RTL1: variants seen among roughly 807,000 people sequenced by gnomAD.
RTL1 encodes retrotransposon Gag like 1.
For missense variants in RTL1, 1,681 were observed against 1,767.5 expected (o/e 0.95, Z 0.88); for synonymous variants, 727 against 748.4 (o/e 0.97, Z 0.47).
chr14:100,889,959 C>T (rs370329517), intron 3 of RTL1, among the ~76,000 whole-genome samples: 6 of 151,662 alleles, frequency 4.0e-5, no homozygotes, highest in African/African-American at 1.5e-4. Flanking sequence ...CTTCTCTGCG[C>T]TTTGCAGAAA....
chr14:100,897,276 C>T (rs2038871251), intron 2 of RTL1, among the ~76,000 whole-genome samples: 1 of 152,034 alleles, frequency 6.6e-6, no homozygotes, highest in Non-Finnish European at 1.5e-5. Flanking sequence ...GAAACAAAAA[C>T]AAAAACAACC....
chr14:100,882,992 TCCAGCC>T lies in RTL1; in HGVS notation c.1791_1796del (p.Ala598_Gly599del). The T allele has an allele frequency of 6.2e-7, 1 of 1,614,152 alleles. No individual in the cohort carries two copies. On this transcript the variant is annotated inframe_deletion, in exon 4 of 4. Coordinates refer to ENST00000649591, the MANE Select transcript of RTL1 (RefSeq NM_001134888.3). ...AAAAGGTCTCGCTGTGATCACTGTC[TCCAGCC>T]TGCTGAAGCTCAGAGGGCTCTGATT...
chr14:100,897,803 G>A (rs958185506), intron 2 of RTL1: 1 of 192,818 alleles, frequency 5.2e-6, no homozygotes, highest in Non-Finnish European at 1.1e-5. Flanking sequence ...AATTGGTGGC[G>A]GCAGGTGTAA....
chr14:100,902,571 C>T (rs2038957535), intron 2 of RTL1, among the ~76,000 whole-genome samples: 1 of 152,162 alleles, frequency 6.6e-6, no homozygotes, highest in Admixed American at 6.5e-5. Context: ...TCTGCAGGAG[C>T]TGCTGGCCTC....
At position 100,881,043 on chromosome 14, in the gene RTL1, T is replaced by C. The variant is rs2038601845; in HGVS notation, c.3746A>G (p.His1249Arg). The C allele has an allele frequency of 3.1e-6, 5 of 1,600,874 alleles. No individual in the cohort carries two copies. The highest frequency in any genetic ancestry group is 1.3e-5 in the African/African-American group (1 of 74,606). Residue 1249 changes from histidine to arginine, a missense_variant, in exon 4 of 4, where the codon CAT becomes CGT. His to Arg is a conservative substitution (Grantham distance 29). Coordinates refer to ENST00000649591, the MANE Select transcript of RTL1 (RefSeq NM_001134888.3). This position sits in a 1 kb window ranked among gnomAD's most constrained non-coding sequence, Gnocchi z 6.6. ...CTGCGAGGTGTCTTGCAGGCCGTCATGCAGGCCACACTGACGGTAACGTTG... is the reference window on the plus strand; with the variant it reads ...CTGCGAGGTGTCTTGCAGGCCGTCACGCAGGCCACACTGACGGTAACGTTG... The part of the protein sequence containing the change: ...DLQRYRQCGL[H>R]DGLQDTSQDK...
chr14:100,882,564 T>C lies in RTL1; in HGVS notation c.2225A>G (p.Gln742Arg). 6.4e-7 allele frequency: 1 copy of C among 1,551,816 alleles called. No homozygotes were observed. The highest frequency in any genetic ancestry group is 8.7e-7 in the Non-Finnish European group (1 of 1,147,014). ...GCGGACGTGGTGGAGGTGCTCCTCC[T>C]GACTCATTGAGTAGATCAGGACTTC... ...GQEVLIYSMS[Q>R]EEHLHHVRQV... is the part of the protein sequence containing the mutation. Residue 742 changes from glutamine (Q) to arginine (R), a missense_variant, in exon 4 of 4, where the codon CAG becomes CGG. By Grantham distance (43) the Gln-to-Arg change is conservative. Transcript: ENST00000649591.
intron 2 of RTL1, among the ~76,000 whole-genome samples, chr14:100,896,813 G>A (rs958298501): frequency 7.9e-5 from 12 of 152,194 alleles, no homozygotes; most frequent in Admixed American, 2.0e-4. Flanking sequence ...TGAGGCCCCA[G>A]CTCCTTACCA....
At position 100,884,652 on chromosome 14, in the gene RTL1, C is replaced by T; in HGVS notation, c.137G>A (p.Gly46Glu). ...TTCCTGGGCTGGGCCGCTGGCTGGC[C>T]CTGCCTCTCCCCGCACTCCACTGCC... ...TSGSGVRGEA[G>E]PASGPAQEKK... Residue 46 changes from glycine to glutamate, a missense_variant, in exon 4 of 4, where the codon GGG (glycine) becomes GAG (glutamate). By Grantham distance (98) the Gly-to-Glu change is moderately conservative. Transcript: ENST00000649591. The T allele has an allele frequency of 1.2e-6, 2 of 1,613,622 alleles. No individual in the cohort carries two copies. The highest frequency in any genetic ancestry group is 2.2e-5 in the East Asian group (1 of 44,868).
chr14:100,884,614 G>A lies in RTL1; in HGVS notation c.175C>T (p.Pro59Ser), dbSNP rs2038671108. 1 of 1,613,770 alleles carries A rather than the reference G, an allele frequency of 6.2e-7. No homozygotes were observed. The highest frequency in any genetic ancestry group is 1.1e-5 in the South Asian group (1 of 91,066). The change falls in exon 4 of 4, where the codon CCC becomes TCC. Residue 59 changes from proline (P) to serine (S), a missense_variant. Pro to Ser is a moderately conservative substitution (Grantham distance 74). Transcript: ENST00000649591. ...TCCATTTCCTGGAGTGGGCCACTGGGGGGCTCCTTCTTTTCCTGGGCTGGG... is the reference window on the plus strand; with the variant it reads ...TCCATTTCCTGGAGTGGGCCACTGGAGGGCTCCTTCTTTTCCTGGGCTGGG... ...SGPAQEKKEPPSGPLQEMEEL... is the reference protein window; with the variant it reads ...SGPAQEKKEPSSGPLQEMEEL...
intron 3 of RTL1, among the ~76,000 whole-genome samples, chr14:100,891,236 C>A (rs960867921): frequency 6.6e-6 from 1 of 152,108 alleles, no homozygotes; most frequent in Non-Finnish European, 1.5e-5. Context: ...CGACTTGAGC[C>A]TTACAGGGTG....
At chr14:100,898,001 G>A (rs1021427229) in intron 2 of RTL1, 1 of 512,512 alleles carries the variant, frequency 2.0e-6, no homozygotes, top group African/African-American at 1.9e-5. Context: ...TCCATTAGAA[G>A]ACAATAGGTC....
Position 100,893,505 on chromosome 14 carries a change from G to A in RTL1, c.-148C>T, listed in dbSNP as rs139142288. Among the ~76,000 whole-genome samples, 675 of 152,246 alleles carry A rather than the reference G, an allele frequency of 4.4e-3. 1 individual carries two copies. Among genetic ancestry groups the A allele is most frequent in the Non-Finnish European group, 5.5e-3 (374 of 68,030 alleles). ...CTGTGCCACTCGATCCTCGCTGCTT[G>A]CTAAAAAGTTATTGAATACATTTGT... On this transcript the variant is annotated splice_region_variant and 5_prime_UTR_variant, in exon 3 of 4. Transcript: ENST00000649591. This position sits in a 1 kb window ranked among gnomAD's most constrained non-coding sequence, Gnocchi z 4.2.
rs139872914 is a variant in RTL1 at position 100,887,914 on chromosome 14, C to T, written c.-86-3040G>A. Among the ~76,000 whole-genome samples the T allele has an allele frequency of 2.1e-3, 321 of 150,770 alleles. 4 individuals are homozygous for T. The highest frequency in any genetic ancestry group is 6.8e-3 in the African/African-American group (280 of 41,372). Reference sequence around the variant, plus strand: ...AAACATGCTTTGTCTATAAATGACCCGTCTCCTCAGCATGGAGCCCAGCCT... The same window carrying T: ...AAACATGCTTTGTCTATAAATGACCTGTCTCCTCAGCATGGAGCCCAGCCT... On this transcript the variant is annotated intron_variant, in intron 3 of 3. Coordinates refer to ENST00000649591, the MANE Select transcript of RTL1 (RefSeq NM_001134888.3).
chr14:100,886,728 TAA>T (rs369512002), intron 3 of RTL1, among the ~76,000 whole-genome samples: 22,669 of 152,196 alleles, frequency 0.15, 2,325 homozygotes, highest in Middle Eastern at 0.3. Context: ...TACAAATAAA[TAA>T]TTCTAATTGA....
intron 3 of RTL1, among the ~76,000 whole-genome samples, chr14:100,890,072 T>C (rs975245745): frequency 1.5e-4 from 9 of 61,962 alleles, no homozygotes; most frequent in Non-Finnish European, 3.5e-4. Context: ...CCCGCCTTAT[T>C]TGAAAAAAAA....
At position 100,882,950 on chromosome 14, in the gene RTL1, G is replaced by A. The variant is rs769810308; in HGVS notation, c.1839C>T (p.Thr613=). 5.0e-6 allele frequency: 8 copies of A among 1,613,564 alleles called. No individual in the cohort carries two copies. Among genetic ancestry groups the A allele is most frequent in the Middle Eastern group, 1.6e-4 (1 of 6,084 alleles). Residue 613 remains threonine, a synonymous_variant, in exon 4 of 4, where the codon ACC becomes ACT. Coordinates refer to ENST00000649591, the MANE Select transcript of RTL1 (RefSeq NM_001134888.3). The stretch of plus-strand genomic sequence containing the variant: ...TGGCACCCACAGGTTCCCAAGGCGC[G>A]GTGGAGGGACACTCGTAAAAGGTCT... ...HSETFYECPS[T]APWEPVGARM... is the part of the protein sequence containing the mutation.
chr14:100,898,118 G>C (rs2038894016), intron 2 of RTL1: 1 of 284,172 alleles, frequency 3.5e-6, no homozygotes. Context: ...AAGTGCTCTG[G>C]GGGAGGAGAA....
intron 3 of RTL1, among the ~76,000 whole-genome samples, chr14:100,888,636 A>G (rs1018145120): frequency 6.6e-6 from 1 of 152,234 alleles, no homozygotes; most frequent in Non-Finnish European, 1.5e-5. Context: ...TTAGCATAAA[A>G]TGTGAATTTT....
At chr14:100,889,679 T>C (rs2038742222) in intron 3 of RTL1, 1 of 152,222 alleles carries the variant, frequency 6.6e-6, no homozygotes, top group Non-Finnish European at 1.5e-5. Context: ...TGGAAGGAAA[T>C]GGAGGCAGAC....
Sources: gnomAD v4.1 joint callset for allele counts (sites outside exome capture counted in the v4.1 genomes callset) on GRCh38, gnomAD v4.1.1 for gene constraint, Gnocchi (gnomAD v3.1) non-coding constraint, MANE v1.5 for transcripts, NCBI Gene and HGNC (gene_info 2026-07-23, HGNC 2026-07-21) for gene names.